The following FRS2 variants were observed in gnomAD, a reference collection of about 807,000 sequenced individuals.
FRS2 encodes fibroblast growth factor receptor substrate 2, also known as FGFR signalling adaptor.
FRS2 carries 8 observed loss-of-function variants against 43.9 expected under a neutral mutation model. The observed-to-expected ratio is 0.18, with a 90% CI of 0.11 to 0.33. FRS2 has a LOEUF of 0.33. Ranked by LOEUF, FRS2 falls within the 10% of genes least tolerant of loss-of-function variation. The pLI is 1.00. For missense variants in FRS2, 534 were observed against 627.6 expected (o/e 0.85, Z 1.59); for synonymous variants, 219 against 220.3 (o/e 0.99, Z 0.05).
At chr12:69,526,267 A>G (rs959927116) in intron 1 of FRS2, among the ~76,000 whole-genome samples, 1 of 152,142 alleles carries the variant, frequency 6.6e-6, no homozygotes, top group Non-Finnish European at 1.5e-5. Flanking sequence ...GTTCTAAGGA[A>G]TTTTCACTTT....
chr12:69,556,673 A>G (rs1437520247), intron 3 of FRS2, among the ~76,000 whole-genome samples: 1 of 152,200 alleles, frequency 6.6e-6, no homozygotes, highest in Non-Finnish European at 1.5e-5. Flanking sequence ...TTCTAGGTTA[A>G]AGTATCATAT....
rs1030995144 is a variant in FRS2 at position 69,578,607 on chromosome 12, C to T, written c.*3652C>T. ...TGGAAACAGACTGGTATAAGTAGTA[C>T]AGTAGTCACCAGTGTGCCACATTTG... On this transcript the variant is annotated 3_prime_UTR_variant, in exon 9 of 9. Coordinates refer to ENST00000549921, the MANE Select transcript of FRS2 (RefSeq NM_001278356.2). The T allele has an allele frequency of 5.2e-5, 8 of 152,532 alleles. No homozygotes were observed. Among genetic ancestry groups the T allele is most frequent in the African/African-American group, 1.7e-4 (7 of 41,438 alleles). 9.4% of individuals were successfully genotyped at this position (152,532 alleles called of 1,614,324 possible).
At chr12:69,528,445 T>C (rs1282126051) in intron 1 of FRS2, among the ~76,000 whole-genome samples, 1 of 152,108 alleles carries the variant, frequency 6.6e-6, no homozygotes, top group Non-Finnish European at 1.5e-5. Flanking sequence ...GGGAATGCCA[T>C]TTTTTTGCTG....
chr12:69,472,004 C>T (rs1267727264), intron 1 of FRS2, among the ~76,000 whole-genome samples: 1 of 152,190 alleles, frequency 6.6e-6, no homozygotes, highest in African/African-American at 2.4e-5. Context: ...TTTGAACAGG[C>T]AAAGGGTAGA....
chr12:69,522,228 GTGTGTGTGTC>G (rs1441986026), intron 1 of FRS2, among the ~76,000 whole-genome samples: 3 of 148,162 alleles, frequency 2.0e-5, no homozygotes, highest in African/African-American at 7.6e-5. Flanking sequence ...GTGTGTGTGT[GTGTGTGTGTC>G]TCTGCCAGGT....
At chr12:69,505,882 CAT>C (rs1171988536) in intron 1 of FRS2, among the ~76,000 whole-genome samples, 2 of 152,230 alleles carry the variant, frequency 1.3e-5, no homozygotes, top group Admixed American at 1.3e-4. Flanking sequence ...TGTTTCTGCA[CAT>C]GAGTTCCTTG....
At chr12:69,485,095 A>ACACACACACACACACACACGCG (rs1555183171) in intron 1 of FRS2, among the ~76,000 whole-genome samples, 1 of 133,348 alleles carries the variant, frequency 7.5e-6, no homozygotes, top group Admixed American at 7.2e-5. Flanking sequence ...ACACACACAC[A>ACACACACACACACACACACGCG]CACACACACA....
At chr12:69,520,913 GGTT>G (rs1352885490) in intron 1 of FRS2, among the ~76,000 whole-genome samples, 2 of 151,772 alleles carry the variant, frequency 1.3e-5, no homozygotes, top group African/African-American at 4.8e-5. Flanking sequence ...TTTTTGTGGT[GGTT>G]GTTCCGTATA....
chr12:69,555,731 A>G (rs1215911526), intron 3 of FRS2, among the ~76,000 whole-genome samples: 2 of 152,170 alleles, frequency 1.3e-5, no homozygotes, highest in African/African-American at 4.8e-5. Flanking sequence ...TGGAACCAAT[A>G]CCCAGATACA....
At chr12:69,536,656 C>G (rs957518) in intron 3 of FRS2, among the ~76,000 whole-genome samples, 1 of 151,156 alleles carries the variant, frequency 6.6e-6, no homozygotes, top group South Asian at 2.1e-4. Flanking sequence ...CCTTTAGCCT[C>G]GATCTGCTGG....
rs1462558070 is a variant in FRS2 at position 69,577,232 on chromosome 12, A to G, written c.*2277A>G. 1 of 152,130 alleles carries G rather than the reference A, an allele frequency of 6.6e-6. No homozygotes were observed. The highest frequency in any genetic ancestry group is 6.6e-5 in the Admixed American group (1 of 15,266). 9.4% of individuals were successfully genotyped at this position (152,130 alleles called of 1,614,324 possible). ...TATGTGCTTTAAAAAGGAAAATGGG[A>G]CCAATTTGTCTGCTAAGAATTTGAT... is the stretch of plus-strand genomic sequence containing the variant. On this transcript the variant is annotated 3_prime_UTR_variant, in exon 9 of 9. Coordinates refer to ENST00000549921, the MANE Select transcript of FRS2 (RefSeq NM_001278356.2).
chr12:69,522,287 AAGG>A (rs1286620780), intron 1 of FRS2, among the ~76,000 whole-genome samples: 1 of 150,816 alleles, frequency 6.6e-6, no homozygotes, highest in African/African-American at 2.4e-5. Flanking sequence ...AGAATGAGTT[AAGG>A]AGGAGTCCCT....
chr12:69,496,053 A>G (rs550174437), intron 1 of FRS2, among the ~76,000 whole-genome samples: 3 of 152,352 alleles, frequency 2.0e-5, no homozygotes, highest in Admixed American at 6.5e-5. Context: ...TTACGATAAT[A>G]CTAATTTTTT....
intron 4 of FRS2, among the ~76,000 whole-genome samples, chr12:69,563,451 T>G (rs1880030720): frequency 6.6e-6 from 1 of 152,160 alleles, no homozygotes. Flanking sequence ...CATTTTGTAT[T>G]TTGTTAGCTC....
chr12:69,521,769 C>T (rs987202469), intron 1 of FRS2, among the ~76,000 whole-genome samples: 11 of 152,180 alleles, frequency 7.2e-5, no homozygotes, highest in East Asian at 1.9e-4. Context: ...TGCCCGCCAC[C>T]GCACCTGGCT....
At chr12:69,524,279 C>T (rs1026751114) in intron 1 of FRS2, among the ~76,000 whole-genome samples, 1 of 151,988 alleles carries the variant, frequency 6.6e-6, no homozygotes, top group Non-Finnish European at 1.5e-5. Context: ...TGGCAGGGTG[C>T]AGACACCCTG....
rs572995369 is a variant in FRS2 at position 69,473,713 on chromosome 12, A to G, written c.-261+3183A>G. Among the ~76,000 whole-genome samples the G allele has an allele frequency of 1.3e-4, 20 of 152,328 alleles. No individual in the cohort carries two copies. In the South Asian group the frequency reaches 3.1e-3, roughly 24 times the overall value. ...ATTTGATGTGGAAAGCTGACTTTCA[A>G]TGTAGTATAAATACTGGGCAAGGGC... On this transcript the variant is annotated intron_variant, in intron 1 of 8. Transcript: ENST00000549921.
At chr12:69,498,097 CTAAA>C (rs898622822) in intron 1 of FRS2, among the ~76,000 whole-genome samples, 5 of 151,914 alleles carry the variant, frequency 3.3e-5, no homozygotes, top group South Asian at 2.1e-4. Context: ...GATTTATTAA[CTAAA>C]GTGCTATTTT....
chr12:69,545,515 T>C (rs1878294552), intron 3 of FRS2, among the ~76,000 whole-genome samples: 1 of 152,076 alleles, frequency 6.6e-6, no homozygotes, highest in Admixed American at 6.5e-5. Flanking sequence ...CCCAGCACTT[T>C]GGGAGGCCAA....
Sources: gnomAD v4.1 joint callset for allele counts (sites outside exome capture counted in the v4.1 genomes callset) on GRCh38, gnomAD v4.1.1 for gene constraint, MANE v1.5 for transcripts, NCBI Gene and HGNC (gene_info 2026-07-23, HGNC 2026-07-21) for gene names.